Variants in DRC8 observed in about 807,000 individuals in gnomAD.
DRC8 encodes dynein regulatory complex protein 8.
the DRC8 span, among the ~76,000 whole-genome samples, chr1:244,985,849 G>C: frequency 4.6e-5 from 6 of 129,792 alleles, no homozygotes; most frequent in South Asian, 3.0e-4. Context: ...GGGCAACAGA[G>C]GGAGACTCCA....
the DRC8 span, among the ~76,000 whole-genome samples, chr1:244,992,753 A>G: frequency 6.6e-6 from 1 of 151,544 alleles, no homozygotes; most frequent in Non-Finnish European, 1.5e-5. Flanking sequence ...AAAAGCCCCC[A>G]AAAAAACAAA....
At chr1:245,088,784 A>G in the DRC8 span, among the ~76,000 whole-genome samples, 1 of 152,190 alleles carries the variant, frequency 6.6e-6, no homozygotes, top group African/African-American at 2.4e-5. This position sits in a 1 kb window ranked among gnomAD's most constrained non-coding sequence, Gnocchi z 4.6. Context: ...GGCGGGGCAC[A>G]GGGCATTTCA....
At chr1:245,095,556 G>T in the DRC8 span, among the ~76,000 whole-genome samples, 1 of 152,194 alleles carries the variant, frequency 6.6e-6, no homozygotes, top group Non-Finnish European at 1.5e-5. Flanking sequence ...TTAGAGACAG[G>T]TCTCACTGTG....
chr1:245,081,408 A>C, the DRC8 span, among the ~76,000 whole-genome samples: 2 of 151,704 alleles, frequency 1.3e-5, no homozygotes, highest in Non-Finnish European at 2.9e-5. Flanking sequence ...TGATCCACCC[A>C]CCTCGGCCTC....
chr1:245,059,371 CT>C, the DRC8 span: 811 of 1,442,374 alleles, frequency 5.6e-4, no homozygotes, highest in Admixed American at 1.5e-3. Flanking sequence ...CCATTGAAAA[CT>C]TTTTTTTTTC....
the DRC8 span, among the ~76,000 whole-genome samples, chr1:245,110,049 G>GT: frequency 6.6e-6 from 1 of 152,132 alleles, no homozygotes; most frequent in East Asian, 1.9e-4. Flanking sequence ...GGCCAATTGC[G>GT]TAACTGGAGT....
At chr1:244,979,341 T>C in the DRC8 span, among the ~76,000 whole-genome samples, 4 of 136,160 alleles carry the variant, frequency 2.9e-5, no homozygotes, top group Non-Finnish European at 4.6e-5. Flanking sequence ...GTCTTGCTCT[T>C]GTCGCCCAGG....
chr1:245,114,936 G>A, the DRC8 span, among the ~76,000 whole-genome samples: 1 of 152,200 alleles, frequency 6.6e-6, no homozygotes, highest in Non-Finnish European at 1.5e-5. Context: ...ATGTTGGTCA[G>A]GATGGTCTCG....
chr1:245,012,710 A>G, the DRC8 span, among the ~76,000 whole-genome samples: 1 of 152,182 alleles, frequency 6.6e-6, no homozygotes, highest in South Asian at 2.1e-4. Context: ...TAAGGGATAT[A>G]TATATCTAAA....
chr1:244,980,466 C>T, the DRC8 span, among the ~76,000 whole-genome samples: 1 of 152,108 alleles, frequency 6.6e-6, no homozygotes, highest in Non-Finnish European at 1.5e-5. Context: ...ATTAGATGGA[C>T]TCCAGGTTTG....
At chr1:245,021,641 G>T in the DRC8 span, among the ~76,000 whole-genome samples, 1 of 152,016 alleles carries the variant, frequency 6.6e-6, no homozygotes, top group Non-Finnish European at 1.5e-5. Context: ...TTGCTATGTT[G>T]CCCAGGCTGT....
At chr1:245,108,820 G>T in the DRC8 span, among the ~76,000 whole-genome samples, 5 of 151,558 alleles carry the variant, frequency 3.3e-5, no homozygotes, top group African/African-American at 1.2e-4. Context: ...CTCCTTCCTT[G>T]ACAGTTGCCA....
chr1:245,015,744 A>G, the DRC8 span: 2 of 282,828 alleles, frequency 7.1e-6, no homozygotes, highest in Admixed American at 4.2e-5. Flanking sequence ...GAATATATCC[A>G]GAATGCTGAC....
At chr1:244,987,107 A>G in the DRC8 span, among the ~76,000 whole-genome samples, 1 of 152,104 alleles carries the variant, frequency 6.6e-6, no homozygotes, top group African/African-American at 2.4e-5. Context: ...TTAAGTTAGA[A>G]TGTATTTATA....
At chr1:245,117,705 A>C in the DRC8 span, among the ~76,000 whole-genome samples, 1 of 152,118 alleles carries the variant, frequency 6.6e-6, no homozygotes, top group Non-Finnish European at 1.5e-5. Flanking sequence ...ACGGTGGCTC[A>C]TGTCTATAAT....
At chr1:245,105,643 A>C in the DRC8 span, among the ~76,000 whole-genome samples, 1 of 151,950 alleles carries the variant, frequency 6.6e-6, no homozygotes, top group Non-Finnish European at 1.5e-5. Flanking sequence ...AAAAAACAAA[A>C]AACAAAAACA....
the DRC8 span, among the ~76,000 whole-genome samples, chr1:245,076,959 T>C: frequency 2.1e-4 from 32 of 152,128 alleles, no homozygotes; most frequent in African/African-American, 7.7e-4. Flanking sequence ...TCTCCTGACC[T>C]CGTGATCCGC....
chr1:245,035,742 C>T, the DRC8 span, among the ~76,000 whole-genome samples: 1 of 151,978 alleles, frequency 6.6e-6, no homozygotes, highest in Admixed American at 6.6e-5. Context: ...TGGTACACAC[C>T]TGTAATCCCA....
At chr1:245,017,129 G>A in the DRC8 span, 1 of 930,298 alleles carries the variant, frequency 1.1e-6, no homozygotes, top group East Asian at 2.7e-5. Context: ...ATAAATATAA[G>A]GAGAGGGTTC....
Sources: allele counts gnomAD v4.1 joint callset (sites outside exome capture counted in the v4.1 genomes callset), GRCh38; gene constraint gnomAD v4.1.1; non-coding constraint Gnocchi (gnomAD v3.1); transcripts MANE v1.5; gene names NCBI Gene and HGNC (gene_info 2026-07-23, HGNC 2026-07-21).